Variants in CFH observed in about 807,000 individuals in gnomAD.
CFH encodes complement factor H, also known as H factor 1 (complement).
Under a neutral mutation model 147.3 loss-of-function variants are expected in CFH, and 53 were observed. That is an observed-to-expected ratio of 0.36 (90% CI 0.29 to 0.45). The LOEUF (loss-of-function observed/expected upper bound fraction) is 0.45, where lower values mean the gene tolerates loss of function less well. Among genes scored for constraint, CFH ranks in the 20% least tolerant of loss-of-function variants. The pLI is 1.00. For missense variants in CFH, 1,380 were observed against 1,498.0 expected (o/e 0.92, Z 1.30); for synonymous variants, 536 against 489.4 (o/e 1.10, Z -1.26).
At chr1:196,713,300 A>C (rs1668767117) in intron 9 of CFH, among the ~76,000 whole-genome samples, 1 of 152,180 alleles carries the variant, frequency 6.6e-6, no homozygotes, top group South Asian at 2.1e-4. Context: ...AAGGCTATGA[A>C]AATTATTTTG....
At chr1:196,712,608 GTTATTATTA>G (rs371151489) in intron 9 of CFH, among the ~76,000 whole-genome samples, 54 of 149,124 alleles carry the variant, frequency 3.6e-4, no homozygotes, top group African/African-American at 1.3e-3. Flanking sequence ...CTTTTTTTGG[GTTATTATTA>G]TTATTATTAT....
intron 14 of CFH, among the ~76,000 whole-genome samples, chr1:196,727,887 A>C (rs1419279524): frequency 6.6e-6 from 1 of 152,174 alleles, no homozygotes; most frequent in Non-Finnish European, 1.5e-5. Flanking sequence ...ATCAGCAAGA[A>C]GGCAAGGTGA....
At chr1:196,731,352 T>C (rs1669276928) in intron 15 of CFH, among the ~76,000 whole-genome samples, 1 of 151,946 alleles carries the variant, frequency 6.6e-6, no homozygotes, top group African/African-American at 2.4e-5. Flanking sequence ...TATTTTAAGC[T>C]GATAGGAACT....
intron 15 of CFH, among the ~76,000 whole-genome samples, chr1:196,730,255 G>A (rs1000918517): frequency 6.6e-5 from 10 of 151,724 alleles, no homozygotes; most frequent in African/African-American, 2.2e-4. Flanking sequence ...TACTTTTGCT[G>A]CATCCCATAA....
intron 12 of CFH, among the ~76,000 whole-genome samples, chr1:196,725,874 C>T (rs907683070): frequency 6.6e-6 from 1 of 152,092 alleles, no homozygotes; most frequent in African/African-American, 2.4e-5. Flanking sequence ...CCCATTAGAC[C>T]CCACCTGAAA....
intron 3 of CFH, among the ~76,000 whole-genome samples, chr1:196,675,729 G>C (rs182386164): frequency 6.6e-6 from 1 of 152,028 alleles, no homozygotes; most frequent in Non-Finnish European, 1.5e-5. Context: ...AAGATAAAGG[G>C]AGAGAGAGGT....
intron 1 of CFH, among the ~76,000 whole-genome samples, chr1:196,653,381 TACAA>T (rs1326301994): frequency 6.6e-6 from 1 of 151,890 alleles, no homozygotes; most frequent in South Asian, 2.1e-4. Flanking sequence ...TTTTTGTATT[TACAA>T]ACAGTTCCAG....
intron 4 of CFH, 80 bp from the exon 5 acceptor site, chr1:196,677,396 G>T: frequency 7.8e-7 from 1 of 1,273,890 alleles, no homozygotes; most frequent in Non-Finnish European, 1.1e-6. Flanking sequence ...CTTATCCTGA[G>T]GATGATTTTA....
intron 9 of CFH, among the ~76,000 whole-genome samples, chr1:196,693,141 T>C (rs1668124208): frequency 6.6e-6 from 1 of 152,022 alleles, no homozygotes; most frequent in Admixed American, 6.6e-5. Context: ...ACATTGTTTT[T>C]CAATTTAATA....
chr1:196,723,803 G>A (rs1195641468), intron 11 of CFH, among the ~76,000 whole-genome samples: 1 of 152,014 alleles, frequency 6.6e-6, no homozygotes, highest in African/African-American at 2.4e-5. Context: ...TTGCAAGCCT[G>A]GCTTCATTGG....
chr1:196,704,589 G>A (rs1668542208), intron 9 of CFH, among the ~76,000 whole-genome samples: 1 of 152,190 alleles, frequency 6.6e-6, no homozygotes, highest in African/African-American at 2.4e-5. Flanking sequence ...ATGGGCAGAT[G>A]GGAGGCCAGG....
chr1:196,724,626 T>A (rs1302071843), intron 11 of CFH, among the ~76,000 whole-genome samples: 3 of 152,140 alleles, frequency 2.0e-5, no homozygotes, highest in African/African-American at 7.2e-5. Context: ...ATGGTTTCTC[T>A]ATGACGCTCC....
chr1:196,677,899 G>T, intron 5 of CFH: 1 of 485,090 alleles, frequency 2.1e-6, no homozygotes, highest in Non-Finnish European at 3.8e-6. Flanking sequence ...GGAAGAGACT[G>T]GTGCAAAGAA....
intron 7 of CFH, among the ~76,000 whole-genome samples, chr1:196,687,986 A>G (rs1472314678): frequency 3.3e-5 from 5 of 152,024 alleles, no homozygotes; most frequent in Non-Finnish European, 4.4e-5. Flanking sequence ...TAAATGTAGA[A>G]ACTACATGAA....
chr1:196,662,145 C>T (rs1666931905), intron 1 of CFH, among the ~76,000 whole-genome samples: 1 of 152,204 alleles, frequency 6.6e-6, no homozygotes, highest in African/African-American at 2.4e-5. Context: ...TTAAAGTCAA[C>T]TGATTGGGAG....
In CFH at chr1:196,715,743, G is replaced by T. The variant is rs1668856413; in HGVS notation, c.1670G>T (p.Gly557Val). 1 of 1,612,494 alleles carries T rather than the reference G, an allele frequency of 6.2e-7. No individual in the cohort carries two copies. The highest frequency in any genetic ancestry group is 1.3e-5 in the African/African-American group (1 of 74,812). The change falls in exon 11 of 22, where the codon GGT becomes GTT. Residue 557 changes from glycine to valine, a missense_variant. Gly to Val is a moderately radical substitution (Grantham distance 109, BLOSUM62 -3). This residue lies in a region of CFH where 830 missense variants were observed against 821.4 expected (regional missense o/e 1.01). Transcript: ENST00000367429. ...TTGSIVCGYN[G>V]WSDLPICYER... The stretch of plus-strand genomic sequence containing the variant: ...GGTTCCATAGTGTGTGGTTACAATG[G>T]TTGGTCTGATTTACCCATATGTTAT...
chr1:196,732,059 T>C (rs764395894), intron 15 of CFH, among the ~76,000 whole-genome samples: 1 of 152,078 alleles, frequency 6.6e-6, no homozygotes, highest in African/African-American at 2.4e-5. Flanking sequence ...TGTCATTATT[T>C]TTTTGAATAT....
chr1:196,742,324 C>A (rs1341609378), intron 19 of CFH, among the ~76,000 whole-genome samples: 1 of 152,030 alleles, frequency 6.6e-6, no homozygotes, highest in African/African-American at 2.4e-5. Flanking sequence ...TGAAGTGGGC[C>A]AAGATCGTGC....
intron 9 of CFH, among the ~76,000 whole-genome samples, chr1:196,712,608 GTTA>G (rs371151489): frequency 1.8e-3 from 267 of 148,958 alleles, no homozygotes; most frequent in African/African-American, 3.6e-3. Flanking sequence ...CTTTTTTTGG[GTTA>G]TTATTATTAT....
Sources: gnomAD v4.1 joint callset for allele counts (sites outside exome capture counted in the v4.1 genomes callset) on GRCh38, gnomAD v4.1.1 for gene constraint, gnomAD v4.1.1 regional missense constraint, MANE v1.5 for transcripts, NCBI Gene and HGNC (gene_info 2026-07-23, HGNC 2026-07-21) for gene names.